PTPRM: variants seen among roughly 807,000 people sequenced by gnomAD.
PTPRM encodes the protein protein tyrosine phosphatase receptor type M.
PTPRM carries 47 observed loss-of-function variants against 186.7 expected under a neutral mutation model. The ratio of observed to expected loss-of-function variants is 0.25; its 90% CI spans 0.20 to 0.32. The LOEUF (loss-of-function observed/expected upper bound fraction) is 0.32, where lower values mean the gene tolerates loss of function less well. Among genes scored for constraint, PTPRM ranks in the 10% least tolerant of loss-of-function variants. The pLI, the probability that PTPRM is intolerant of heterozygous loss-of-function variation, is 1.00. For synonymous variants in PTPRM, 668 were observed against 674.9 expected, an observed-to-expected ratio of 0.99 and a Z score of 0.16; for missense variants, 1,494 against 1,865.0, an observed-to-expected ratio of 0.80 and a Z score of 3.66.
intron 22 of PTPRM, among the ~76,000 whole-genome samples, chr18:8,320,598 G>A (rs1354349201): frequency 6.6e-6 from 1 of 152,188 alleles, no homozygotes; most frequent in Admixed American, 6.5e-5. Context: ...GTTATTCCCT[G>A]TGGTGGCATT....
intron 1 of PTPRM, among the ~76,000 whole-genome samples, chr18:7,682,440 T>C (rs2039500759): frequency 6.6e-6 from 1 of 152,206 alleles, no homozygotes; most frequent in African/African-American, 2.4e-5. Flanking sequence ...AGAAAGCCTC[T>C]AGCATCTTAA....
chr18:8,036,949 G>A (rs11081359), intron 7 of PTPRM, among the ~76,000 whole-genome samples: 51,514 of 151,926 alleles, frequency 0.34, 9,823 homozygotes, highest in Non-Finnish European at 0.43. Flanking sequence ...GGTGTTTATC[G>A]GTCCTAAGGT....
intron 19 of PTPRM, among the ~76,000 whole-genome samples, chr18:8,286,427 T>G (rs1304192572): frequency 6.6e-6 from 1 of 152,184 alleles, no homozygotes; most frequent in African/African-American, 2.4e-5. Context: ...CGTGGAAACT[T>G]CCGCCATGCT....
At chr18:7,676,718 G>A (rs1043740724) in intron 1 of PTPRM, among the ~76,000 whole-genome samples, 11 of 151,784 alleles carry the variant, frequency 7.2e-5, no homozygotes, top group South Asian at 4.2e-4. Flanking sequence ...CATGGATTAG[G>A]TGTTAGGACA....
At chr18:8,011,447 A>G (rs992867760) in intron 7 of PTPRM, among the ~76,000 whole-genome samples, 5 of 152,134 alleles carry the variant, frequency 3.3e-5, no homozygotes, top group Non-Finnish European at 7.3e-5. Context: ...TTCACTCTTC[A>G]TGGTTTCACT....
intron 2 of PTPRM, among the ~76,000 whole-genome samples, chr18:7,841,387 G>C (rs1341361151): frequency 1.3e-5 from 2 of 149,206 alleles, no homozygotes; most frequent in East Asian, 4.0e-4. Context: ...CGCCTCCTGG[G>C]TTCACGCCAT....
intron 1 of PTPRM, among the ~76,000 whole-genome samples, chr18:7,588,264 A>C (rs567541710): frequency 6.6e-6 from 1 of 152,298 alleles, no homozygotes; most frequent in South Asian, 2.1e-4. Context: ...AACTACATTA[A>C]TTTCCAAAGA....
In PTPRM at chr18:8,116,278, A is replaced by T. The variant is rs535250479; in HGVS notation, c.2167+1451A>T. ...AAGTAAATCCTGTTCCAGGGCCCCTAGTTTATAATGCTTAACGTTTAACGT... is the reference window on the plus strand; with the variant it reads ...AAGTAAATCCTGTTCCAGGGCCCCTTGTTTATAATGCTTAACGTTTAACGT... On this transcript the variant is annotated intron_variant, in intron 13 of 32. Coordinates refer to ENST00000580170, the MANE Select transcript of PTPRM (RefSeq NM_001105244.2). Among the ~76,000 whole-genome samples, 17 of 152,346 alleles carry T rather than the reference A, an allele frequency of 1.1e-4. No homozygotes were observed. In the East Asian group the frequency reaches 3.3e-3, roughly 29 times the overall value.
At chr18:8,254,480 A>G (rs1235351892) in intron 19 of PTPRM, among the ~76,000 whole-genome samples, 2 of 152,228 alleles carry the variant, frequency 1.3e-5, no homozygotes, top group Non-Finnish European at 2.9e-5. Context: ...TTAAAGTAGC[A>G]TGCTTACTCA....
intron 7 of PTPRM, among the ~76,000 whole-genome samples, chr18:8,020,792 C>G (rs1234428449): frequency 2.0e-5 from 3 of 152,138 alleles, no homozygotes; most frequent in Non-Finnish European, 4.4e-5. Context: ...GCCAGCCACC[C>G]AACACAGTCA....
intron 14 of PTPRM, among the ~76,000 whole-genome samples, chr18:8,148,834 G>T (rs1422152895): frequency 6.6e-6 from 1 of 152,150 alleles, no homozygotes; most frequent in Non-Finnish European, 1.5e-5. Context: ...GTGTCCCAGA[G>T]ATTCTGGTAC....
intron 32 of PTPRM, among the ~76,000 whole-genome samples, chr18:8,397,709 C>T (rs2095851871): frequency 6.6e-6 from 1 of 152,156 alleles, no homozygotes; most frequent in African/African-American, 2.4e-5. Context: ...AGTGCTGGCA[C>T]CTGAGCTCCT....
At chr18:7,886,089 C>T (rs1031463986) in intron 2 of PTPRM, among the ~76,000 whole-genome samples, 4 of 152,168 alleles carry the variant, frequency 2.6e-5, no homozygotes, top group Admixed American at 6.5e-5. Flanking sequence ...TTCATTCAGA[C>T]GTGACCTCAA....
intron 4 of PTPRM, among the ~76,000 whole-genome samples, chr18:7,917,941 T>C (rs1384399106): frequency 6.6e-6 from 1 of 152,174 alleles, no homozygotes; most frequent in Non-Finnish European, 1.5e-5. Flanking sequence ...TCTATTTGTT[T>C]TTCTGTGCTT....
At chr18:7,660,278 G>A (rs1159795652) in intron 1 of PTPRM, among the ~76,000 whole-genome samples, 1 of 152,082 alleles carries the variant, frequency 6.6e-6, no homozygotes, top group Non-Finnish European at 1.5e-5. Context: ...TGAGGTTACA[G>A]TGAGTCGAGA....
At chr18:7,869,109 C>T (rs1386827608) in intron 2 of PTPRM, among the ~76,000 whole-genome samples, 1 of 152,198 alleles carries the variant, frequency 6.6e-6, no homozygotes, top group Non-Finnish European at 1.5e-5. Flanking sequence ...GAATTTGAAG[C>T]CAGTGGATCT....
chr18:8,101,899 C>T (rs185151633), intron 11 of PTPRM, among the ~76,000 whole-genome samples: 51 of 152,256 alleles, frequency 3.3e-4, no homozygotes, highest in Admixed American at 5.9e-4. Context: ...GACTATTCTG[C>T]AAATTAATAT....
intron 14 of PTPRM, among the ~76,000 whole-genome samples, chr18:8,177,614 C>G (rs558769645): frequency 6.6e-6 from 1 of 152,278 alleles, no homozygotes; most frequent in South Asian, 2.1e-4. Flanking sequence ...TTGGGAGCAA[C>G]CTCAATTCTT....
chr18:8,040,777 G>A (rs2086643428), intron 7 of PTPRM, among the ~76,000 whole-genome samples: 1 of 152,190 alleles, frequency 6.6e-6, no homozygotes, highest in South Asian at 2.1e-4. Flanking sequence ...TCTGGAGAAT[G>A]TTGTTCATTT....
Sources: gnomAD v4.1 joint callset for allele counts (sites outside exome capture counted in the v4.1 genomes callset) on GRCh38, gnomAD v4.1.1 for gene constraint, MANE v1.5 for transcripts, NCBI Gene and HGNC (gene_info 2026-07-23, HGNC 2026-07-21) for gene names.